Variants in CABLES1 observed in about 807,000 individuals in gnomAD.
CABLES1 encodes the protein CDK5 and ABL1 enzyme substrate 1.
In CABLES1, 36 loss-of-function variants were observed where a neutral mutation model predicts 57.8. That is an observed-to-expected ratio of 0.62 (90% CI 0.48 to 0.82). The LOEUF is 0.82. CABLES1 is among the 40% of genes least tolerant of loss of function. The pLI is 0.00. For missense variants in CABLES1, 767 were observed against 836.6 expected, an observed-to-expected ratio of 0.92 and a Z score of 1.03; for synonymous variants, 374 against 363.0, an observed-to-expected ratio of 1.03 and a Z score of -0.35.
At chr18:23,240,104 C>T (rs1447126626) in intron 7 of CABLES1, among the ~76,000 whole-genome samples, 2 of 152,140 alleles carry the variant, frequency 1.3e-5, no homozygotes, top group Admixed American at 1.3e-4. Context: ...GACAATAAAG[C>T]AAGACCCTGT....
Position 23,237,190 on chromosome 18 carries a change from A to AC in CABLES1, c.1396dup (p.Gln466ProfsTer22). ...GACTATGACCCAAATCTCTTGGATG[A>AC]CCCCCAGTGGCCTTGTGGCAAACAC... On this transcript the variant is annotated frameshift_variant, in exon 7 of 10. Coordinates refer to ENST00000256925, the MANE Select transcript of CABLES1 (RefSeq NM_001100619.3). LOFTEE classifies it high-confidence loss of function. The AC allele has an allele frequency of 6.2e-7, 1 of 1,613,732 alleles. No individual in the cohort carries two copies. Among genetic ancestry groups the AC allele is most frequent in the Non-Finnish European group, 8.5e-7 (1 of 1,179,762 alleles).
At chr18:23,252,919 C>A in intron 7 of CABLES1, 41 bp from the exon 8 acceptor site, 3 of 1,360,078 alleles carry the variant, frequency 2.2e-6, no homozygotes, top group Non-Finnish European at 3.2e-6. Context: ...ACATACGACC[C>A]TTGTTTTAAG....
At chr18:23,253,518 G>T (rs951271384) in intron 8 of CABLES1, among the ~76,000 whole-genome samples, 4 of 152,076 alleles carry the variant, frequency 2.6e-5, no homozygotes, top group Non-Finnish European at 4.4e-5. Context: ...TGTTTTATAC[G>T]ACCTGACCAA....
chr18:23,205,607 G>A (rs2047357482), intron 3 of CABLES1, among the ~76,000 whole-genome samples: 1 of 152,126 alleles, frequency 6.6e-6, no homozygotes, highest in African/African-American at 2.4e-5. Flanking sequence ...AGTTTATTTG[G>A]AAACAGAGTT....
At chr18:23,187,449 C>T (rs779086322) in intron 1 of CABLES1, among the ~76,000 whole-genome samples, 6 of 152,138 alleles carry the variant, frequency 3.9e-5, no homozygotes, top group Admixed American at 1.3e-4. Context: ...TCCAGTGGCA[C>T]GATCTCAGCT....
At chr18:23,224,908 C>A (rs1052792530) in intron 4 of CABLES1, among the ~76,000 whole-genome samples, 1 of 152,038 alleles carries the variant, frequency 6.6e-6, no homozygotes, top group Non-Finnish European at 1.5e-5. Context: ...CACTGTATTG[C>A]CCAGGCTGGA....
At chr18:23,250,948 C>G (rs902911834) in intron 7 of CABLES1, among the ~76,000 whole-genome samples, 1 of 152,202 alleles carries the variant, frequency 6.6e-6, no homozygotes, top group Non-Finnish European at 1.5e-5. Flanking sequence ...TGCTTGCCTC[C>G]TCCTTGCTAC....
At chr18:23,226,485 C>A (rs963802913) in intron 4 of CABLES1, among the ~76,000 whole-genome samples, 1 of 151,764 alleles carries the variant, frequency 6.6e-6, no homozygotes, top group African/African-American at 2.4e-5. Flanking sequence ...TATTTTTTTA[C>A]CCTCATACAC....
At chr18:23,221,796 C>T (rs1160416600) in intron 4 of CABLES1, among the ~76,000 whole-genome samples, 4 of 152,178 alleles carry the variant, frequency 2.6e-5, no homozygotes, top group Non-Finnish European at 2.9e-5. Flanking sequence ...GTATCATGAG[C>T]TAGTCTATGG....
Position 23,231,499 on chromosome 18 carries a change from C to T in CABLES1, c.1089-3109C>T, listed in dbSNP as rs985986926. Among the ~76,000 whole-genome samples the T allele has an allele frequency of 3.3e-5, 5 of 152,182 alleles. No homozygotes were observed. In the South Asian group the frequency reaches 1.0e-3, roughly 32 times the overall value. ...CACTATTCTTGCTTATTTTCTTACT[C>T]GGCTTAGCCTTAGCAATTTAGAAAG... is the stretch of plus-strand genomic sequence containing the variant. On this transcript the variant is annotated intron_variant, in intron 4 of 9. Coordinates refer to ENST00000256925, the MANE Select transcript of CABLES1 (RefSeq NM_001100619.3).
intron 4 of CABLES1, among the ~76,000 whole-genome samples, chr18:23,233,754 A>G (rs954974074): frequency 1.3e-5 from 2 of 152,226 alleles, no homozygotes; most frequent in Non-Finnish European, 2.9e-5. Context: ...ACTAGAGATT[A>G]TTCCTCTATT....
At chr18:23,238,661 G>C (rs1360827579) in intron 7 of CABLES1, among the ~76,000 whole-genome samples, 1 of 152,226 alleles carries the variant, frequency 6.6e-6, no homozygotes, top group South Asian at 2.1e-4. Flanking sequence ...ACTGGTGTAA[G>C]AATAAGGATG....
intron 3 of CABLES1, among the ~76,000 whole-genome samples, chr18:23,204,131 G>C (rs1029885762): frequency 1.3e-5 from 2 of 152,120 alleles, no homozygotes; most frequent in African/African-American, 4.8e-5. Flanking sequence ...CATTTCCTTG[G>C]CTTTATTCAC....
chr18:23,233,603 T>G (rs990036832), intron 4 of CABLES1, among the ~76,000 whole-genome samples: 1 of 152,188 alleles, frequency 6.6e-6, no homozygotes, highest in Non-Finnish European at 1.5e-5. Flanking sequence ...ATCCCAGCAC[T>G]TTAGGAGGCC....
intron 2 of CABLES1, chr18:23,189,254 G>A (rs1003971178): frequency 7.9e-5 from 17 of 214,186 alleles, no homozygotes; most frequent in Admixed American, 6.9e-4. Flanking sequence ...GTACAGTCCT[G>A]GACTTCATTC....
chr18:23,236,341 G>A lies in CABLES1; in HGVS notation c.1342+290G>A, dbSNP rs115427775. Among the ~76,000 whole-genome samples the A allele has an allele frequency of 6.8e-3, 1,029 of 152,182 alleles. 12 individuals are homozygous for A. The highest frequency in any genetic ancestry group is 0.024 in the African/African-American group (989 of 41,518). On this transcript the variant is annotated intron_variant, in intron 6 of 9. Transcript: ENST00000256925. Reference sequence around the variant, plus strand: ...GTCTCCCAGCTTCCCTGACCACTCAGCTCCCCCCAACAATGACCTGGTTCT... The same window carrying A: ...GTCTCCCAGCTTCCCTGACCACTCAACTCCCCCCAACAATGACCTGGTTCT...
chr18:23,137,186 G>T (rs1271664263), intron 1 of CABLES1, among the ~76,000 whole-genome samples: 1 of 152,206 alleles, frequency 6.6e-6, no homozygotes, highest in African/African-American at 2.4e-5. Flanking sequence ...GGCCTAGGGG[G>T]GTGGGGAACA....
intron 4 of CABLES1, among the ~76,000 whole-genome samples, chr18:23,224,561 C>CTTTTTTT (rs777471596): frequency 2.0e-4 from 18 of 89,670 alleles, no homozygotes; most frequent in Non-Finnish European, 2.7e-4. Context: ...AGTCACAGAG[C>CTTTTTTT]TTTTTTTTTT....
intron 1 of CABLES1, among the ~76,000 whole-genome samples, chr18:23,148,194 A>T (rs7238093): frequency 0.82 from 123,712 of 151,770 alleles, 50,871 homozygotes; most frequent in African/African-American, 0.9. Flanking sequence ...TTTCACCATG[A>T]TAGCCAGGGT....
Sources: gnomAD v4.1 joint callset for allele counts (sites outside exome capture counted in the v4.1 genomes callset) on GRCh38, gnomAD v4.1.1 for gene constraint, MANE v1.5 for transcripts, NCBI Gene and HGNC (gene_info 2026-07-23, HGNC 2026-07-21) for gene names.